The following GUCY1A2 variants were observed in gnomAD, a reference collection of about 807,000 sequenced individuals.
The protein encoded by GUCY1A2 is guanylate cyclase soluble subunit alpha-2.
Under a neutral mutation model 63.5 loss-of-function variants are expected in GUCY1A2, and 27 were observed. The ratio of observed to expected loss-of-function variants is 0.43; its 90% CI spans 0.31 to 0.59. GUCY1A2 has a LOEUF of 0.59. Among genes scored for constraint, GUCY1A2 ranks in the 20% least tolerant of loss-of-function variants. The probability of loss-of-function intolerance (pLI) is 0.11; values close to 1 mark genes in which losing one functional copy is unlikely to be tolerated. For synonymous variants in GUCY1A2, 364 were observed against 343.5 expected (o/e 1.06, Z -0.66); for missense variants, 768 against 913.3 (o/e 0.84, Z 2.05).
At chr11:106,945,215 T>C (rs1245569983) in intron 3 of GUCY1A2, among the ~76,000 whole-genome samples, 1 of 145,606 alleles carries the variant, frequency 6.9e-6, no homozygotes, top group Non-Finnish European at 1.5e-5. Context: ...AAACAGGTAA[T>C]TAAAAAAAAT....
At chr11:106,806,677 A>G (rs1858691388) in intron 5 of GUCY1A2, among the ~76,000 whole-genome samples, 1 of 152,200 alleles carries the variant, frequency 6.6e-6, no homozygotes, top group South Asian at 2.1e-4. Context: ...CAAAATTATA[A>G]CCCAGGCTTT....
intron 4 of GUCY1A2, among the ~76,000 whole-genome samples, chr11:106,904,073 T>C (rs1860171088): frequency 6.6e-6 from 1 of 152,156 alleles, no homozygotes; most frequent in South Asian, 2.1e-4. Context: ...AAGTTATTTA[T>C]AAGTAACCAA....
At chr11:106,976,854 A>G (rs1277749975) in intron 3 of GUCY1A2, among the ~76,000 whole-genome samples, 1 of 152,046 alleles carries the variant, frequency 6.6e-6, no homozygotes, top group East Asian at 1.9e-4. Context: ...TGTTCTTCTC[A>G]CTCACTACTT....
intron 3 of GUCY1A2, among the ~76,000 whole-genome samples, chr11:106,952,321 C>T (rs1015788326): frequency 2.6e-5 from 4 of 152,154 alleles, no homozygotes; most frequent in African/African-American, 9.7e-5. Context: ...CTGTAAATTA[C>T]TTTGGGCAGT....
In GUCY1A2 at chr11:106,901,700, T is replaced by C. The variant is rs546989955; in HGVS notation, c.1206+37760A>G. ...CCCTTCCTGTGTCCAAGTGTTCTCA[T>C]TGTTCAATTCCCACGTATGAGTGAG... On this transcript the variant is annotated intron_variant, in intron 4 of 7. Coordinates refer to ENST00000526355, the MANE Select transcript of GUCY1A2 (RefSeq NM_000855.3). Among the ~76,000 whole-genome samples, 280 of 144,514 alleles carry C rather than the reference T, an allele frequency of 1.9e-3. No homozygotes were observed. In the Middle Eastern group the frequency reaches 0.021, roughly 11 times the overall value. The allele number at this position is 144,514 out of a possible 152,430, so 94.8% of individuals were successfully genotyped here. A position where few individuals can be genotyped will look rare whatever the true frequency, so the allele number is the denominator to read the frequency against.
chr11:106,768,272 C>T (rs535976202), intron 6 of GUCY1A2, among the ~76,000 whole-genome samples: 2 of 152,152 alleles, frequency 1.3e-5, no homozygotes, highest in Admixed American at 1.3e-4. Context: ...ACAGGTATGC[C>T]CCCCTACCAC....
chr11:106,909,320 T>C (rs1181730512), intron 4 of GUCY1A2, among the ~76,000 whole-genome samples: 2 of 149,730 alleles, frequency 1.3e-5, no homozygotes, highest in Non-Finnish European at 3.0e-5. Context: ...ATTGATAAAA[T>C]CTATCATCTA....
intron 5 of GUCY1A2, among the ~76,000 whole-genome samples, chr11:106,805,123 T>G (rs1858663720): frequency 6.6e-6 from 1 of 152,218 alleles, no homozygotes; most frequent in Admixed American, 6.5e-5. Context: ...TTACTGTTCC[T>G]TCTTCCCAAT....
chr11:106,901,731 G>A (rs575769731), intron 4 of GUCY1A2, among the ~76,000 whole-genome samples: 6 of 148,664 alleles, frequency 4.0e-5, no homozygotes, highest in African/African-American at 7.4e-5. Context: ...GTGAGAACAC[G>A]CAGTGTTTGA....
intron 6 of GUCY1A2, among the ~76,000 whole-genome samples, chr11:106,758,154 A>G (rs551337932): frequency 6.6e-6 from 1 of 152,176 alleles, no homozygotes; most frequent in South Asian, 2.1e-4. Context: ...GCATAATACC[A>G]CCTACTCAAG....
chr11:106,732,221 C>T (rs1411179368), intron 6 of GUCY1A2, among the ~76,000 whole-genome samples: 1 of 151,948 alleles, frequency 6.6e-6, no homozygotes, highest in South Asian at 2.1e-4. Context: ...GAAATCAGGC[C>T]GCAAACCTAC....
chr11:106,872,720 A>G (rs1344133207), intron 4 of GUCY1A2, among the ~76,000 whole-genome samples: 2 of 152,210 alleles, frequency 1.3e-5, no homozygotes, highest in African/African-American at 2.4e-5. Context: ...TGGATGACCA[A>G]TTTAAGTCCC....
chr11:106,912,837 C>A (rs1426835103), intron 4 of GUCY1A2, among the ~76,000 whole-genome samples: 1 of 152,150 alleles, frequency 6.6e-6, no homozygotes, highest in Non-Finnish European at 1.5e-5. Flanking sequence ...GTTCTGTCTA[C>A]ACAGCATAAG....
intron 7 of GUCY1A2, among the ~76,000 whole-genome samples, chr11:106,691,124 C>G (rs1389997775): frequency 6.6e-6 from 1 of 152,120 alleles, no homozygotes; most frequent in African/African-American, 2.4e-5. Context: ...AGGTGTCAAT[C>G]ATTGATGTCA....
intron 6 of GUCY1A2, among the ~76,000 whole-genome samples, chr11:106,716,492 T>G (rs1863216448): frequency 1.3e-5 from 2 of 152,054 alleles, no homozygotes; most frequent in African/African-American, 4.8e-5. Flanking sequence ...GCATTGTGAT[T>G]TTCTTTAGGC....
chr11:106,869,735 A>T (rs887821289), intron 4 of GUCY1A2, among the ~76,000 whole-genome samples: 23 of 152,174 alleles, frequency 1.5e-4, no homozygotes, highest in African/African-American at 5.6e-4. Context: ...ATACCATTTG[A>T]CCCAGCCATC....
intron 3 of GUCY1A2, among the ~76,000 whole-genome samples, chr11:106,944,991 C>G (rs1029903093): frequency 6.6e-6 from 1 of 151,494 alleles, no homozygotes; most frequent in African/African-American, 2.4e-5. Flanking sequence ...AAAAAAGAAA[C>G]CAATGGAAGA....
intron 4 of GUCY1A2, among the ~76,000 whole-genome samples, chr11:106,896,841 G>A (rs983512193): frequency 6.6e-6 from 1 of 152,188 alleles, no homozygotes; most frequent in African/African-American, 2.4e-5. Flanking sequence ...AAATTATCAA[G>A]ACTGTGTTAT....
At chr11:107,002,225 A>G (rs915761487) in intron 1 of GUCY1A2, among the ~76,000 whole-genome samples, 1 of 152,110 alleles carries the variant, frequency 6.6e-6, no homozygotes, top group African/African-American at 2.4e-5. Flanking sequence ...TTTCAACAGT[A>G]TAAAATATAT....
Sources: gnomAD v4.1 joint callset for allele counts (sites outside exome capture counted in the v4.1 genomes callset) on GRCh38, gnomAD v4.1.1 for gene constraint, MANE v1.5 for transcripts, NCBI Gene and HGNC (gene_info 2026-07-23, HGNC 2026-07-21) for gene names.